Variants in AP4E1 observed in about 807,000 individuals in gnomAD.
AP4E1 encodes adaptor related protein complex 4 subunit epsilon 1.
AP4E1 carries 56 observed loss-of-function variants against 128.2 expected under a neutral mutation model. The ratio of observed to expected loss-of-function variants is 0.44; its 90% CI spans 0.35 to 0.55. AP4E1 has a LOEUF of 0.55. Among genes scored for constraint, AP4E1 ranks in the 20% least tolerant of loss-of-function variants. The pLI is 0.00. For missense variants in AP4E1, 1,324 were observed against 1,307.7 expected (o/e 1.01, Z -0.19); for synonymous variants, 484 against 473.1 (o/e 1.02, Z -0.30).
Position 50,949,875 on chromosome 15 carries a change from T to C in AP4E1, c.1366T>C (p.Ser456Pro). The C allele has an allele frequency of 1.9e-6, 3 of 1,613,872 alleles. No homozygotes were observed. The South Asian group carries it at 3.3e-5, about 18-fold the overall frequency. Residue 456 changes from serine to proline, a missense_variant, in exon 12 of 21, where the codon TCA becomes CCA. By Grantham distance (74) the Ser-to-Pro change is moderately conservative. Coordinates refer to ENST00000261842, the MANE Select transcript of AP4E1 (RefSeq NM_007347.5). ...WFIQTMNAVF[S>P]VGGDVMHPDI... The stretch of plus-strand genomic sequence containing the variant: ...TATTCAGACAATGAATGCTGTGTTT[T>C]CAGTAGGAGGAGATGTAATGCATCC...
Position 50,993,590 on chromosome 15 carries a change from T to G in AP4E1, c.2311T>G (p.Phe771Val). The G allele has an allele frequency of 6.2e-7, 1 of 1,614,048 alleles. No individual in the cohort carries two copies. Among genetic ancestry groups the G allele is most frequent in the Non-Finnish European group, 8.5e-7 (1 of 1,179,928 alleles). ...KEKQLLASSL[F>V]VGLGSESTIN... ...AAAGCAGCTGCTGGCATCATCATTATTTGTTGGTCTAGGATCAGAAAGTAC... is the reference window on the plus strand; with the variant it reads ...AAAGCAGCTGCTGGCATCATCATTAGTTGTTGGTCTAGGATCAGAAAGTAC... Residue 771 changes from phenylalanine (F) to valine (V), a missense_variant, in exon 17 of 21, where the codon TTT (phenylalanine) becomes GTT (valine). Transcript: ENST00000261842.
intron 15 of AP4E1, among the ~76,000 whole-genome samples, chr15:50,973,624 A>G (rs1052661041): frequency 1.3e-5 from 2 of 152,144 alleles, no homozygotes; most frequent in Non-Finnish European, 2.9e-5. Flanking sequence ...CCTCAATCCT[A>G]TGAATTTGAC....
At chr15:50,973,864 C>T (rs764025333) in intron 15 of AP4E1, among the ~76,000 whole-genome samples, 2 of 152,174 alleles carry the variant, frequency 1.3e-5, no homozygotes, top group African/African-American at 4.8e-5. Flanking sequence ...ATGAATAGTG[C>T]TGCAGTGAAC....
intron 8 of AP4E1, among the ~76,000 whole-genome samples, chr15:50,940,630 T>C (rs547255278): frequency 1.3e-5 from 2 of 152,356 alleles, no homozygotes; most frequent in South Asian, 4.1e-4. Flanking sequence ...ACACTTCTGA[T>C]ACTATGATTC....
At chr15:50,927,415 G>A (rs914190561) in intron 5 of AP4E1, among the ~76,000 whole-genome samples, 1 of 151,832 alleles carries the variant, frequency 6.6e-6, no homozygotes, top group African/African-American at 2.4e-5. Context: ...ATCCCTGGTT[G>A]TATTTCAGCA....
intron 16 of AP4E1, among the ~76,000 whole-genome samples, chr15:50,991,626 C>T (rs2064807756): frequency 6.6e-6 from 1 of 151,992 alleles, no homozygotes; most frequent in South Asian, 2.1e-4. Context: ...GGATACTCAG[C>T]AGTAAAAATC....
chr15:50,998,065 T>G (rs2064905544), intron 18 of AP4E1, among the ~76,000 whole-genome samples, 182 bp downstream of exon 18: 1 of 152,220 alleles, frequency 6.6e-6, no homozygotes, highest in African/African-American at 2.4e-5. Context: ...ACTGCTTACT[T>G]CTTTCTCTCA....
intron 8 of AP4E1, among the ~76,000 whole-genome samples, chr15:50,936,424 A>AT (rs1181832255): frequency 6.6e-6 from 1 of 151,108 alleles, no homozygotes; most frequent in African/African-American, 2.4e-5. Context: ...TTCAGCTTTA[A>AT]TTTTTTTATT....
At chr15:50,963,485 A>G (rs1442822979) in intron 14 of AP4E1, among the ~76,000 whole-genome samples, 2 of 152,220 alleles carry the variant, frequency 1.3e-5, no homozygotes, top group African/African-American at 4.8e-5. Context: ...CAGAAAGTCA[A>G]ATATTACATG....
intron 8 of AP4E1, among the ~76,000 whole-genome samples, chr15:50,940,696 G>A (rs2063973796): frequency 6.6e-6 from 1 of 152,022 alleles, no homozygotes; most frequent in Non-Finnish European, 1.5e-5. Flanking sequence ...TCATGGCAAA[G>A]CTCCAACCGC....
At chr15:50,994,430 G>A (rs1229499581) in intron 17 of AP4E1, among the ~76,000 whole-genome samples, 1 of 151,920 alleles carries the variant, frequency 6.6e-6, no homozygotes, top group East Asian at 1.9e-4. Context: ...CTTCATTCCT[G>A]TCAGTACCAG....
upstream of AP4E1, among the ~76,000 whole-genome samples, chr15:50,908,204 A>G (rs1036581487): frequency 2.6e-5 from 4 of 152,006 alleles, no homozygotes; most frequent in African/African-American, 9.7e-5. Flanking sequence ...TCCTCAGGAC[A>G]GCCCCGCTAT....
chr15:50,995,146 A>G (rs2064851698), intron 17 of AP4E1, among the ~76,000 whole-genome samples: 1 of 152,116 alleles, frequency 6.6e-6, no homozygotes, highest in African/African-American at 2.4e-5. Context: ...AGCAGACAGG[A>G]TTGGGACTAA....
At chr15:50,957,315 A>G (rs1405763414) in intron 13 of AP4E1, among the ~76,000 whole-genome samples, 2 of 152,108 alleles carry the variant, frequency 1.3e-5, no homozygotes, top group African/African-American at 2.4e-5. Context: ...CTCTGGCTGG[A>G]TTCTTCTTTG....
chr15:50,996,301 A>G (rs1273865209), intron 17 of AP4E1, among the ~76,000 whole-genome samples: 1 of 151,752 alleles, frequency 6.6e-6, no homozygotes, highest in Non-Finnish European at 1.5e-5. Flanking sequence ...CCTGACCTCT[A>G]ATACACATCT....
Position 50,908,811 on chromosome 15 carries a change from G to A in AP4E1, c.33G>A (p.Ala11=). 6.9e-6 allele frequency: 11 copies of A among 1,601,506 alleles called. No individual in the cohort carries two copies. Among genetic ancestry groups the A allele is most frequent in the Non-Finnish European group, 9.4e-6 (11 of 1,175,448 alleles). ...ACATAGTGGAGAAGACGCTGACGGC[G>A]CTGCCGGGACTCTTTCTGCAGAACC... MSDIVEKTLT[A]LPGLFLQNQP... is the part of the protein sequence containing the mutation. Residue 11 remains alanine, a synonymous_variant, in exon 1 of 21, where the codon GCG becomes GCA. Transcript: ENST00000261842.
At position 50,949,846 on chromosome 15, in the gene AP4E1, G is replaced by A; in HGVS notation, c.1337G>A (p.Trp446Ter). 6.2e-7 allele frequency: 1 copy of A among 1,613,170 alleles called. No homozygotes were observed. The highest frequency in any genetic ancestry group is 8.5e-7 in the Non-Finnish European group (1 of 1,179,338). The change falls in exon 12 of 21, where the codon TGG (tryptophan) becomes TAG (stop). Residue 446 changes from tryptophan to a stop codon, truncating the protein, a stop_gained. Coordinates refer to ENST00000261842, the MANE Select transcript of AP4E1 (RefSeq NM_007347.5). LOFTEE classifies it high-confidence loss of function. ...LAEKYAPDNA[W>*]FIQTMNAVFS... The stretch of plus-strand genomic sequence containing the variant: ...GACACATATGCTCCTGATAATGCAT[G>A]GTTTATTCAGACAATGAATGCTGTG...
At chr15:50,968,820 G>A (rs145637050) in intron 15 of AP4E1, among the ~76,000 whole-genome samples, 20 of 145,030 alleles carry the variant, frequency 1.4e-4, no homozygotes, top group African/African-American at 5.1e-4. Context: ...TAGAGATGGG[G>A]TTTCAAACTT....
At chr15:50,944,530 TG>T in intron 10 of AP4E1, 1 of 174,422 alleles carries the variant, frequency 5.7e-6, no homozygotes, top group Non-Finnish European at 1.2e-5. Context: ...AAGCTATTGT[TG>T]GGGTGACCTA....
Sources: gnomAD v4.1 joint callset for allele counts (sites outside exome capture counted in the v4.1 genomes callset) on GRCh38, gnomAD v4.1.1 for gene constraint, MANE v1.5 for transcripts, NCBI Gene and HGNC (gene_info 2026-07-23, HGNC 2026-07-21) for gene names.